Variants in DCN observed in about 807,000 individuals in gnomAD.
The protein encoded by DCN is decorin, also known as bone proteoglycan II.
In DCN, 17 loss-of-function variants were observed where a neutral mutation model predicts 36.5. The observed-to-expected ratio is 0.47, with a 90% confidence interval of 0.32 to 0.70. DCN has a LOEUF of 0.70. Ranked by LOEUF, DCN falls within the 30% of genes least tolerant of loss-of-function variation. The pLI is 0.04. For missense variants in DCN, 389 were observed against 430.1 expected (o/e 0.90, Z 0.84); for synonymous variants, 163 against 161.4 (o/e 1.01, Z -0.07).
At chr12:91,148,454 A>G (rs1332093574) in intron 7 of DCN, among the ~76,000 whole-genome samples, 1 of 151,700 alleles carries the variant, frequency 6.6e-6, no homozygotes, top group Non-Finnish European at 1.5e-5. Flanking sequence ...GTGGTGGCTT[A>G]TGTCTGTAAT....
chr12:91,147,446 G>A (rs115665332), intron 7 of DCN, among the ~76,000 whole-genome samples: 116 of 152,206 alleles, frequency 7.6e-4, no homozygotes, highest in African/African-American at 2.6e-3. Context: ...ATTTGATATT[G>A]TTTGTTTCTC....
intron 3 of DCN, 83 bp downstream of exon 3, chr12:91,164,522 G>A (rs767098940): frequency 1.5e-6 from 1 of 647,710 alleles, no homozygotes; most frequent in Non-Finnish European, 2.9e-6. Context: ...TTGGTACATA[G>A]TACTCTTGGC....
At chr12:91,150,330 T>C (rs1881322280) in intron 7 of DCN, among the ~76,000 whole-genome samples, 1 of 152,160 alleles carries the variant, frequency 6.6e-6, no homozygotes. Flanking sequence ...ACAAATGACA[T>C]TGGGACAATT....
chr12:91,174,016 T>C (rs985808570), intron 2 of DCN, among the ~76,000 whole-genome samples: 3 of 152,244 alleles, frequency 2.0e-5, no homozygotes, highest in African/African-American at 7.2e-5. Context: ...AAACCAGTAG[T>C]TATTTGCAAT....
chr12:91,159,416 C>A (rs912726042), intron 3 of DCN, among the ~76,000 whole-genome samples: 6 of 147,176 alleles, frequency 4.1e-5, no homozygotes, highest in Admixed American at 3.4e-4. Context: ...AAAGGTTAAA[C>A]TATTTTTTTT....
At chr12:91,150,317 C>T (rs1881321078) in intron 7 of DCN, among the ~76,000 whole-genome samples, 1 of 152,078 alleles carries the variant, frequency 6.6e-6, no homozygotes, top group Admixed American at 6.6e-5. Flanking sequence ...AATATTATTT[C>T]CAACAAATGA....
intron 5 of DCN, among the ~76,000 whole-genome samples, chr12:91,155,605 AT>A (rs1446675865): frequency 1.3e-5 from 2 of 149,282 alleles, no homozygotes; most frequent in Non-Finnish European, 3.0e-5. Flanking sequence ...TTCAGCAAGA[AT>A]TTTAATAAGA....
At chr12:91,146,351 CTTTTTTT>C (rs376886852) in intron 7 of DCN, 99 bp from the exon 8 acceptor site, 24 of 318,280 alleles carry the variant, frequency 7.5e-5, no homozygotes, top group East Asian at 1.9e-4. Flanking sequence ...TAATCCTTCA[CTTTTTTT>C]TTTTTTTTTT....
rs1235454205 is a variant in DCN at position 91,164,684 on chromosome 12, T to C, written c.245A>G (p.Asp82Gly). The change falls in exon 3 of 8, where the codon GAC becomes GGC. Residue 82 changes from aspartate to glycine, a missense_variant. Transcript: ENST00000052754. ...LDKVPKDLPPDTTLLDLQNNK... is the reference protein window; with the variant it reads ...LDKVPKDLPPGTTLLDLQNNK... ...GTTTTGCAGGTCTAGCAGAGTTGTG[T>C]CAGGGGGAAGATCCTTTGGCACTTT... 2.5e-6 allele frequency: 4 copies of C among 1,612,368 alleles called. No homozygotes were observed. Among genetic ancestry groups the C allele is most frequent in the Admixed American group, 1.7e-5 (1 of 60,020 alleles).
chr12:91,147,187 T>C (rs1467697658), intron 7 of DCN, among the ~76,000 whole-genome samples: 1 of 152,206 alleles, frequency 6.6e-6, no homozygotes, highest in Non-Finnish European at 1.5e-5. Flanking sequence ...TCTCTTACTG[T>C]AAAAGCCAGT....
intron 7 of DCN, among the ~76,000 whole-genome samples, chr12:91,147,862 GT>G (rs1015710230): frequency 2.6e-5 from 4 of 151,688 alleles, no homozygotes; most frequent in Admixed American, 6.6e-5. Context: ...ATTAATCAGA[GT>G]TTTTTTTCTG....
intron 2 of DCN, among the ~76,000 whole-genome samples, chr12:91,171,842 T>C (rs1237851448): frequency 1.3e-5 from 2 of 152,350 alleles, no homozygotes; most frequent in African/African-American, 2.4e-5. Flanking sequence ...ATACCTCAAG[T>C]TGTGAGCAAA....
intron 2 of DCN, among the ~76,000 whole-genome samples, chr12:91,168,745 A>G (rs1882743652): frequency 6.6e-6 from 1 of 152,162 alleles, no homozygotes; most frequent in Non-Finnish European, 1.5e-5. Context: ...TTCCAGGAAT[A>G]TTTTATAAAT....
At chr12:91,164,232 G>A (rs565354139) in intron 3 of DCN, among the ~76,000 whole-genome samples, 2 of 151,896 alleles carry the variant, frequency 1.3e-5, no homozygotes, top group East Asian at 1.9e-4. Context: ...CGGGGGAAGG[G>A]GAAGGGATAG....
At chr12:91,181,562 A>C (rs1465330948) in intron 1 of DCN, among the ~76,000 whole-genome samples, 1 of 152,072 alleles carries the variant, frequency 6.6e-6, no homozygotes, top group Non-Finnish European at 1.5e-5. Flanking sequence ...TCACTACTCC[A>C]CTGAAGCTAG....
chr12:91,151,384 C>T (rs1382769985), intron 7 of DCN: 13 of 413,536 alleles, frequency 3.1e-5, no homozygotes, highest in Non-Finnish European at 5.4e-5. Context: ...GCACCAACAT[C>T]ACCACCCCTA....
At chr12:91,153,372 G>A (rs1184360414) in intron 5 of DCN, among the ~76,000 whole-genome samples, 183 bp from the exon 6 acceptor site, 1 of 151,876 alleles carries the variant, frequency 6.6e-6, no homozygotes, top group Non-Finnish European at 1.5e-5. Flanking sequence ...GGAAGTAGTG[G>A]AAGCCCTTGC....
At chr12:91,181,881 T>C (rs1392266985) in intron 1 of DCN, among the ~76,000 whole-genome samples, 4 of 150,584 alleles carry the variant, frequency 2.7e-5, no homozygotes, top group African/African-American at 1.0e-4. Flanking sequence ...TTGGCTCTTT[T>C]CTGGTTAGAA....
In DCN at chr12:91,151,743, C is replaced by G. The variant is rs755433443; in HGVS notation, c.796G>C (p.Ala266Pro). 9 of 1,613,838 alleles carry G rather than the reference C, an allele frequency of 5.6e-6. No individual in the cohort carries two copies. The highest frequency in any genetic ancestry group is 7.6e-6 in the Non-Finnish European group (9 of 1,179,914). ...AGCTCCCTCAGATGAGGCGTGTTGG[C>G]CAGAGAGCCATTGTCAACAGCAGAG... ...SISAVDNGSL[A>P]NTPHLRELHL... The change falls in exon 7 of 8, where the codon GCC becomes CCC. Residue 266 changes from alanine to proline, a missense_variant. Physicochemically the swap from Ala to Pro is conservative, Grantham distance 27. Transcript: ENST00000052754.
Sources: allele counts gnomAD v4.1 joint callset (sites outside exome capture counted in the v4.1 genomes callset), GRCh38; gene constraint gnomAD v4.1.1; transcripts MANE v1.5; gene names NCBI Gene and HGNC (gene_info 2026-07-23, HGNC 2026-07-21).